EXOC6B: variants seen among roughly 807,000 people sequenced by gnomAD.
EXOC6B encodes the protein SEC15 homolog B.
A neutral mutation model predicts 113.5 loss-of-function variants in EXOC6B; 54 were observed. The ratio of observed to expected loss-of-function variants is 0.48; its 90% CI spans 0.38 to 0.60. The LOEUF (loss-of-function observed/expected upper bound fraction) is 0.60, where lower values mean the gene tolerates loss of function less well. Ranked by LOEUF, EXOC6B falls within the 20% of genes least tolerant of loss-of-function variation. The pLI, the probability that EXOC6B is intolerant of heterozygous loss-of-function variation, is 0.00. For synonymous variants in EXOC6B, 357 were observed against 339.0 expected (o/e 1.05, Z -0.58); for missense variants, 797 against 977.5 (o/e 0.82, Z 2.46).
chr2:72,266,859 T>A (rs1573130326), intron 20 of EXOC6B, among the ~76,000 whole-genome samples: 1 of 152,236 alleles, frequency 6.6e-6, no homozygotes, highest in Non-Finnish European at 1.5e-5. Flanking sequence ...TATGGCCATT[T>A]TCACGATATT....
intron 8 of EXOC6B, among the ~76,000 whole-genome samples, chr2:72,537,727 C>T (rs1165110699): frequency 2.0e-5 from 3 of 152,134 alleles, no homozygotes; most frequent in East Asian, 3.9e-4. Flanking sequence ...ACGAAGATTT[C>T]TGGGTCATAT....
At chr2:72,761,125 A>G (rs887096559) in intron 1 of EXOC6B, among the ~76,000 whole-genome samples, 1 of 152,182 alleles carries the variant, frequency 6.6e-6, no homozygotes, top group Non-Finnish European at 1.5e-5. Flanking sequence ...GGTTGCAGTA[A>G]GCCGAGATTG....
intron 19 of EXOC6B, among the ~76,000 whole-genome samples, chr2:72,340,222 C>A (rs764743837): frequency 3.9e-5 from 6 of 152,128 alleles, no homozygotes; most frequent in Admixed American, 1.3e-4. Context: ...TTAGGAGGGG[C>A]CTTGAGAAGT....
intron 19 of EXOC6B, among the ~76,000 whole-genome samples, chr2:72,371,264 T>C (rs376825182): frequency 1.4e-4 from 22 of 152,130 alleles, no homozygotes; most frequent in Middle Eastern, 3.4e-3. Context: ...CTATCAAACA[T>C]CTAAAGAAGA....
At chr2:72,750,916 A>G (rs1282624372) in intron 1 of EXOC6B, among the ~76,000 whole-genome samples, 1 of 152,168 alleles carries the variant, frequency 6.6e-6, no homozygotes, top group Non-Finnish European at 1.5e-5. Flanking sequence ...AAAACATACA[A>G]GGAAACAAAG....
intron 6 of EXOC6B, among the ~76,000 whole-genome samples, chr2:72,641,148 A>G (rs757706570): frequency 6.6e-5 from 10 of 152,258 alleles, no homozygotes; most frequent in South Asian, 2.1e-4. Flanking sequence ...GAGCGTGATC[A>G]ACAGAGAAGA....
Position 72,184,086 on chromosome 2 carries a change from G to A in EXOC6B, c.2298C>T (p.Thr766=), listed in dbSNP as rs928107124. ...YLRVNPVTAL[T]LLEKMKDTSR... ...GACAAGGTACTCACTTCTCAAGCAG[G>A]GTCAGAGCAGTCACTGGGTTTACCC... The change falls in exon 21 of 22, where the codon ACC becomes ACT. Residue 766 remains threonine, a synonymous_variant. Coordinates refer to ENST00000272427, the MANE Select transcript of EXOC6B (RefSeq NM_015189.3). 1 of 1,553,812 alleles carries A rather than the reference G, an allele frequency of 6.4e-7. No individual in the cohort carries two copies. Among genetic ancestry groups the A allele is most frequent in the African/African-American group, 1.4e-5 (1 of 73,474 alleles).
At chr2:72,430,952 T>TAAC (rs1695484994) in intron 18 of EXOC6B, among the ~76,000 whole-genome samples, 1 of 152,166 alleles carries the variant, frequency 6.6e-6, no homozygotes, top group Non-Finnish European at 1.5e-5. Flanking sequence ...GCTAACCAAT[T>TAAC]CATGGCTATG....
rs758906963 is a variant in EXOC6B, at chr2:72,307,161, G to GTTTTTGTTTTTTTTTTTTTTTTTT, written c.2196+27785_2196+27786insAAAAAAAAAAAAAAAAAACAAAAA. Among the ~76,000 whole-genome samples, 27 of 128,484 alleles carry GTTTTTGTTTTTTTTTTTTTTTTTT rather than the reference G, an allele frequency of 2.1e-4. 3 individuals carry two copies. Among genetic ancestry groups the GTTTTTGTTTTTTTTTTTTTTTTTT allele is most frequent in the African/African-American group, 7.6e-4 (20 of 26,196 alleles). 84.3% of individuals were successfully genotyped at this position (128,484 alleles called of 152,430 possible). On this transcript the variant is annotated intron_variant, in intron 20 of 21. Coordinates refer to ENST00000272427, the MANE Select transcript of EXOC6B (RefSeq NM_015189.3). Reference sequence around the variant, plus strand: ...TCCATGACTGCAATGGTATAGTCCAGTTTTTTTTTTTTTGAGACGGAGTCT... The same window carrying GTTTTTGTTTTTTTTTTTTTTTTTT: ...TCCATGACTGCAATGGTATAGTCCAGTTTTTGTTTTTTTTTTTTTTTTTTTTTTTTTTTTTTTGAGACGGAGTCT...
chr2:72,735,745 G>T (rs1477416968), intron 2 of EXOC6B, among the ~76,000 whole-genome samples: 1 of 152,168 alleles, frequency 6.6e-6, no homozygotes, highest in South Asian at 2.1e-4. Flanking sequence ...GAACCGGGTG[G>T]GGGGACGTGG....
At chr2:72,300,828 C>G (rs1558536259) in intron 20 of EXOC6B, among the ~76,000 whole-genome samples, 1 of 152,130 alleles carries the variant, frequency 6.6e-6, no homozygotes, top group Non-Finnish European at 1.5e-5. Flanking sequence ...GATGCCCCAC[C>G]CTGCTTCAAA....
chr2:72,552,614 C>T (rs944818122), intron 8 of EXOC6B, among the ~76,000 whole-genome samples: 1 of 151,554 alleles, frequency 6.6e-6, no homozygotes, highest in African/African-American at 2.4e-5. Context: ...ACCACAAACA[C>T]AAAAATAAAA....
At chr2:72,197,516 G>A (rs1033882577) in intron 20 of EXOC6B, among the ~76,000 whole-genome samples, 8 of 152,058 alleles carry the variant, frequency 5.3e-5, no homozygotes, top group Non-Finnish European at 8.8e-5. Flanking sequence ...TATATTCCAC[G>A]GGGAGTGGTA....
At chr2:72,756,095 G>A (rs1409567990) in intron 1 of EXOC6B, among the ~76,000 whole-genome samples, 1 of 152,000 alleles carries the variant, frequency 6.6e-6, no homozygotes, top group Non-Finnish European at 1.5e-5. Context: ...AACTGTGTTG[G>A]GGCGGGGGTT....
chr2:72,245,927 A>C (rs1682626259), intron 20 of EXOC6B, among the ~76,000 whole-genome samples: 1 of 152,240 alleles, frequency 6.6e-6, no homozygotes, highest in Non-Finnish European at 1.5e-5. Context: ...TTTAAAAAAC[A>C]AAAATCATTA....
In EXOC6B at chr2:72,499,775, TCTC is replaced by T. The variant is rs1700228839; in HGVS notation, c.1239+123_1239+125del. On this transcript the variant is annotated intron_variant, in intron 12 of 21. Transcript: ENST00000272427. ...TCTTGGACTCTTGGACTCAAGCAAT[TCTC>T]CTACCTCAGGCTTCCAAAGAACTAT... The T allele has an allele frequency of 1.6e-5, 10 of 624,520 alleles. No individual in the cohort carries two copies. In the South Asian group the frequency reaches 1.7e-4, roughly 11 times the overall value. The allele number at this position is 624,520 out of a possible 1,614,324, so 38.7% of individuals were successfully genotyped here.
rs553850868 is a variant in EXOC6B at position 72,179,142 on chromosome 2, A to G, written c.*193T>C. ...TTCCCCTGAGTCCCAGCCTAGCAAC[A>G]TCTCATGTACTTGCTTATTCTTGTG... On this transcript the variant is annotated 3_prime_UTR_variant, in exon 22 of 22. Coordinates refer to ENST00000272427, the MANE Select transcript of EXOC6B (RefSeq NM_015189.3). 5.1e-6 allele frequency: 3 copies of G among 593,082 alleles called. No individual in the cohort carries two copies. The highest frequency in any genetic ancestry group is 2.6e-5 in the South Asian group (1 of 37,992). 36.7% of individuals were successfully genotyped at this position (593,082 alleles called of 1,614,324 possible).
At chr2:72,335,144 T>C (rs2104880812) in intron 19 of EXOC6B, 124 bp from the exon 20 acceptor site, 5 of 790,186 alleles carry the variant, frequency 6.3e-6, no homozygotes, top group East Asian at 5.0e-5. Context: ...TAAGGAGTCA[T>C]GTCTCTCTCC....
intron 6 of EXOC6B, among the ~76,000 whole-genome samples, chr2:72,591,133 G>C (rs1198289673): frequency 6.6e-6 from 1 of 152,044 alleles, no homozygotes; most frequent in African/African-American, 2.4e-5. Context: ...TTGAGGAGTA[G>C]GCTATCAGAG....
Sources: allele counts gnomAD v4.1 joint callset (sites outside exome capture counted in the v4.1 genomes callset), GRCh38; gene constraint gnomAD v4.1.1; transcripts MANE v1.5; gene names NCBI Gene and HGNC (gene_info 2026-07-23, HGNC 2026-07-21).